Variants in RERE observed in about 807,000 individuals in gnomAD.
The protein encoded by RERE is arginine-glutamic acid dipeptide repeats protein.
In RERE, 40 loss-of-function variants were observed where a neutral mutation model predicts 146.1. The observed-to-expected ratio is 0.27, with a 90% CI of 0.21 to 0.36. The LOEUF (loss-of-function observed/expected upper bound fraction) is 0.36. RERE is among the 10% of genes least tolerant of loss of function. The probability of loss-of-function intolerance (pLI) is 1.00; values close to 1 mark genes in which losing one functional copy is unlikely to be tolerated. For synonymous variants in RERE, 1,003 were observed against 866.0 expected (o/e 1.16, Z -2.78); for missense variants, 1,933 against 2,138.7 (o/e 0.90, Z 1.90).
chr1:8,610,211 T>C (rs914916458), intron 4 of RERE, among the ~76,000 whole-genome samples: 1 of 152,166 alleles, frequency 6.6e-6, no homozygotes, highest in East Asian at 1.9e-4. Flanking sequence ...AAAATGTACA[T>C]ATATAGAAGA....
rs567556868 is a variant in RERE, at chr1:8,564,832, A to ATGTGTG, written c.523-7315_523-7310dup. Among the ~76,000 whole-genome samples the ATGTGTG allele has an allele frequency of 4.4e-3, 609 of 139,020 alleles. 4 individuals carry two copies. Among genetic ancestry groups the ATGTGTG allele is most frequent in the African/African-American group, 0.015 (539 of 35,374 alleles). 91.2% of individuals were successfully genotyped at this position (139,020 alleles called of 152,430 possible). ...TGTATGTATGTGTGTGTATATGTGT[A>ATGTGTG]TGTGTGTGTGTGTGTGTGTGTGTGT... On this transcript the variant is annotated intron_variant, in intron 4 of 22. Transcript: ENST00000400908.
chr1:8,529,536 G>A (rs966795886), intron 7 of RERE, among the ~76,000 whole-genome samples: 3 of 151,090 alleles, frequency 2.0e-5, no homozygotes, highest in Non-Finnish European at 2.9e-5. Context: ...TCCAGACCTC[G>A]TGATCCTCCC....
chr1:8,731,675 CA>C (rs1640087350), intron 1 of RERE, among the ~76,000 whole-genome samples: 1 of 151,870 alleles, frequency 6.6e-6, no homozygotes, highest in African/African-American at 2.4e-5. Context: ...CCAAAGAAAC[CA>C]GGGGTGGAAA....
At chr1:8,559,667 G>T (rs1646054706) in intron 4 of RERE, among the ~76,000 whole-genome samples, 1 of 152,080 alleles carries the variant, frequency 6.6e-6, no homozygotes, top group South Asian at 2.1e-4. Flanking sequence ...GAGAAAAAAT[G>T]GGAGAGATTT....
intron 10 of RERE, among the ~76,000 whole-genome samples, chr1:8,484,068 C>A (rs1223142855): frequency 6.6e-6 from 1 of 152,166 alleles, no homozygotes; most frequent in Admixed American, 6.6e-5. Flanking sequence ...AATCCAATAT[C>A]AGTTTAGTAA....
In RERE at chr1:8,529,287, C is replaced by CTTTTT. The variant is rs34547801; in HGVS notation, c.830+11922_830+11926dup. On this transcript the variant is annotated intron_variant, in intron 7 of 22. Coordinates refer to ENST00000400908, the MANE Select transcript of RERE (RefSeq NM_001042681.2). Reference sequence around the variant, plus strand: ...CCTCCACAACCATCAGTTCTCCCTTCTTTTTTTTTTTTTTTTTTTTGAGAT... The same window carrying CTTTTT: ...CCTCCACAACCATCAGTTCTCCCTTCTTTTTTTTTTTTTTTTTTTTTTTTTGAGAT... Among the ~76,000 whole-genome samples the CTTTTT allele has an allele frequency of 3.8e-4, 39 of 102,440 alleles. 3 individuals are homozygous for CTTTTT. The highest frequency in any genetic ancestry group is 1.2e-3 in the African/African-American group (30 of 26,052). The allele number at this position is 102,440 out of a possible 152,430, so 67.2% of individuals were successfully genotyped here. A position where few individuals can be genotyped will look rare whatever the true frequency, so the allele number is the denominator to read the frequency against.
At chr1:8,415,229 C>T (rs1189580306) in intron 12 of RERE, among the ~76,000 whole-genome samples, 7 of 152,214 alleles carry the variant, frequency 4.6e-5, no homozygotes, top group Non-Finnish European at 8.8e-5. Context: ...GCAACCACAA[C>T]TTGTAAGTCT....
At chr1:8,799,700 C>A (rs1641549545) in intron 1 of RERE, among the ~76,000 whole-genome samples, 1 of 151,838 alleles carries the variant, frequency 6.6e-6, no homozygotes, top group African/African-American at 2.4e-5. Flanking sequence ...TTGAATGAGG[C>A]CCAAAACAAA....
At chr1:8,608,046 T>C (rs1370424206) in intron 4 of RERE, among the ~76,000 whole-genome samples, 3 of 151,922 alleles carry the variant, frequency 2.0e-5, no homozygotes, top group African/African-American at 7.3e-5. Context: ...GTTTTTGTTT[T>C]TTTTACTTTC....
At chr1:8,527,823 C>A (rs1262166289) in intron 7 of RERE, among the ~76,000 whole-genome samples, 2 of 152,142 alleles carry the variant, frequency 1.3e-5, no homozygotes, top group African/African-American at 2.4e-5. Context: ...AGCGGCCACA[C>A]CCCAGATCTC....
chr1:8,361,632 C>G, intron 17 of RERE, 131 bp downstream of exon 17: 1 of 1,348,364 alleles, frequency 7.4e-7, no homozygotes. Context: ...TGCCCTGACC[C>G]AGCCAGTGTC....
At chr1:8,393,524 A>G (rs1254846735) in intron 12 of RERE, among the ~76,000 whole-genome samples, 1 of 152,186 alleles carries the variant, frequency 6.6e-6, no homozygotes, top group Non-Finnish European at 1.5e-5. Flanking sequence ...AATTCTACTC[A>G]TAAAATGGGG....
chr1:8,723,544 CT>C (rs1283753153), intron 1 of RERE, among the ~76,000 whole-genome samples: 2 of 152,002 alleles, frequency 1.3e-5, no homozygotes, highest in African/African-American at 4.8e-5. Flanking sequence ...TTTTCATGGC[CT>C]AGTAAGTTTG....
At chr1:8,464,476 G>T (rs919288855) in intron 11 of RERE, among the ~76,000 whole-genome samples, 3 of 152,098 alleles carry the variant, frequency 2.0e-5, no homozygotes, top group African/African-American at 7.2e-5. Flanking sequence ...GCCAGTGTGA[G>T]CCCCACTGTC....
chr1:8,436,456 A>T (rs1644170988), intron 11 of RERE, among the ~76,000 whole-genome samples: 1 of 152,220 alleles, frequency 6.6e-6, no homozygotes, highest in Non-Finnish European at 1.5e-5. Flanking sequence ...CTCCTAAGTT[A>T]TGTCATTAAA....
intron 4 of RERE, among the ~76,000 whole-genome samples, chr1:8,601,887 C>T (rs969244044): frequency 1.3e-5 from 2 of 152,118 alleles, no homozygotes; most frequent in Non-Finnish European, 2.9e-5. Flanking sequence ...TTAACAAGGC[C>T]CTATGGCAGT....
intron 11 of RERE, chr1:8,425,496 T>G (rs1223009104): frequency 1.3e-5 from 2 of 149,780 alleles, no homozygotes; most frequent in Non-Finnish European, 3.0e-5. Flanking sequence ...TCACAAGGGG[T>G]GGGCAACTAT....
At chr1:8,652,193 C>T (rs1425228474) in intron 2 of RERE, among the ~76,000 whole-genome samples, 2 of 152,094 alleles carry the variant, frequency 1.3e-5, no homozygotes, top group Non-Finnish European at 2.9e-5. Flanking sequence ...AGGCACAGCC[C>T]CCACTCAAGC....
At chr1:8,493,612 TC>T (rs770589602) in intron 10 of RERE, among the ~76,000 whole-genome samples, 4 of 152,148 alleles carry the variant, frequency 2.6e-5, no homozygotes, top group Non-Finnish European at 5.9e-5. Context: ...TTTGGGACTG[TC>T]AGTATTTAAG....
Sources: gnomAD v4.1 joint callset for allele counts (sites outside exome capture counted in the v4.1 genomes callset) on GRCh38, gnomAD v4.1.1 for gene constraint, MANE v1.5 for transcripts, NCBI Gene and HGNC (gene_info 2026-07-23, HGNC 2026-07-21) for gene names.